Variants in EMG1 observed in about 807,000 individuals in gnomAD.
EMG1 encodes the protein ribosomal RNA small subunit methyltransferase NEP1.
In EMG1, 24 loss-of-function variants were observed where a neutral mutation model predicts 26.9. The ratio of observed to expected loss-of-function variants is 0.89; its 90% CI spans 0.65 to 1.26. The LOEUF (loss-of-function observed/expected upper bound fraction) is 1.26, where lower values mean the gene tolerates loss of function less well. EMG1 is among the 50% of genes most tolerant of loss of function. EMG1 has a pLI of 0.00. For missense variants in EMG1, 299 were observed against 307.6 expected (o/e 0.97, Z 0.21); for synonymous variants, 140 against 112.6 (o/e 1.24, Z -1.54).
At chr12:6,984,003 G>A (rs1417672971), downstream of EMG1, among the ~76,000 whole-genome samples, 1 of 152,102 alleles carries the variant, frequency 6.6e-6, no homozygotes, top group African/African-American at 2.4e-5. Flanking sequence ...ACAAAGATTT[G>A]AGCGTACCCA....
downstream of EMG1, among the ~76,000 whole-genome samples, chr12:6,990,822 C>T (rs149351141): frequency 2.7e-3 from 400 of 147,222 alleles, 1 homozygote; most frequent in African/African-American, 9.9e-3. Flanking sequence ...GAGGCTGAGG[C>T]AGGAGAATCG....
Position 6,979,492 on chromosome 12 carries a change from A to T in EMG1, c.*3683A>T. On this transcript the variant is annotated 3_prime_UTR_variant, in exon 6 of 6. Transcript: ENST00000599672. Reference sequence around the variant, plus strand: ...TCACGTCATAGTCTTCAGTGAGGAGATAGTCTTCTGTGATGTGGGGGCTGA... The same window carrying T: ...TCACGTCATAGTCTTCAGTGAGGAGTTAGTCTTCTGTGATGTGGGGGCTGA... 2 of 1,613,228 alleles carry T rather than the reference A, an allele frequency of 1.2e-6. No homozygotes were observed. Among genetic ancestry groups the T allele is most frequent in the Non-Finnish European group, 1.7e-6 (2 of 1,179,218 alleles).
At chr12:6,974,946 G>A in intron 3 of EMG1, 144 bp from the exon 4 acceptor site, 2 of 919,434 alleles carry the variant, frequency 2.2e-6, no homozygotes, top group Non-Finnish European at 3.5e-6. Flanking sequence ...CTTGGCAACT[G>A]TTTGTTCCTA....
intron 6 of EMG1, among the ~76,000 whole-genome samples, chr12:6,985,612 G>A (rs1946516474): frequency 6.6e-6 from 1 of 151,646 alleles, no homozygotes; most frequent in Non-Finnish European, 1.5e-5. Context: ...CTACTCGGGA[G>A]GCTGAGGCAG....
chr12:6,983,662 TATA>T, downstream of EMG1: 1 of 654,790 alleles, frequency 1.5e-6, no homozygotes, highest in South Asian at 1.8e-5. Context: ...CAACATACAT[TATA>T]TGGATGGCAA....
At chr12:6,983,224 A>C, downstream of EMG1, 1 of 499,668 alleles carries the variant, frequency 2.0e-6, no homozygotes, top group Non-Finnish European at 3.6e-6. Context: ...AAGGGTAACC[A>C]CCCTCAAAAT....
downstream of EMG1, chr12:6,980,951 T>C: frequency 6.6e-7 from 1 of 1,507,822 alleles, no homozygotes; most frequent in Non-Finnish European, 8.9e-7. Context: ...GAAGAGTCAC[T>C]TCAGAGTGAG....
downstream of EMG1, chr12:6,982,717 G>A (rs3208066): frequency 3.1e-6 from 5 of 1,614,002 alleles, no homozygotes; most frequent in Non-Finnish European, 4.2e-6. Context: ...GTGATGGTGC[G>A]GCCCATTAGT....
At chr12:6,982,695 G>A (rs782781622), downstream of EMG1, 1 of 1,613,138 alleles carries the variant, frequency 6.2e-7, no homozygotes, top group Non-Finnish European at 8.5e-7. Context: ...GCAAAAGGTA[G>A]TGAGGACGGC....
At chr12:6,994,655 A>G (rs1591552724) in intron 7 of EMG1, among the ~76,000 whole-genome samples, 1 of 151,818 alleles carries the variant, frequency 6.6e-6, no homozygotes, top group African/African-American at 2.4e-5. Flanking sequence ...GAGTTTCACC[A>G]TGTTGCTCAG....
In EMG1 at chr12:6,977,277, G is replaced by A; in HGVS notation, c.*1468G>A. On this transcript the variant is annotated 3_prime_UTR_variant, in exon 6 of 6. Coordinates refer to ENST00000599672, the MANE Select transcript of EMG1 (RefSeq NM_006331.8). This position sits in a 1 kb window ranked among gnomAD's most constrained non-coding sequence, Gnocchi z 4.5. ...GATTTATACACCTGTGGAGAGAGAGGCCACTAAGGTAGACAGGCCTGGAGT... is the reference window on the plus strand; with the variant it reads ...GATTTATACACCTGTGGAGAGAGAGACCACTAAGGTAGACAGGCCTGGAGT... 1 of 1,610,234 alleles carries A rather than the reference G, an allele frequency of 6.2e-7. No individual in the cohort carries two copies. The highest frequency in any genetic ancestry group is 1.7e-5 in the Admixed American group (1 of 60,000).
Position 6,979,364 on chromosome 12 carries a change from C to G in EMG1, c.*3555C>G. On this transcript the variant is annotated 3_prime_UTR_variant, in exon 6 of 6. Coordinates refer to ENST00000599672, the MANE Select transcript of EMG1 (RefSeq NM_006331.8). ...ACAGATCTAGAGCAAAACCAACATG[C>G]ACTTGTAGATGATATTTCCTACTTC... 1 of 807,538 alleles carries G rather than the reference C, an allele frequency of 1.2e-6. No individual in the cohort carries two copies. The highest frequency in any genetic ancestry group is 2.0e-6 in the Non-Finnish European group (1 of 488,728). The allele number at this position is 807,538 out of a possible 1,614,324, so 50.0% of individuals were successfully genotyped here.
At position 6,974,420 on chromosome 12, in the gene EMG1, C is replaced by T; in HGVS notation, c.250C>T (p.Arg84Trp). 13 of 1,613,590 alleles carry T rather than the reference C, an allele frequency of 8.1e-6. No homozygotes were observed. The highest frequency in any genetic ancestry group is 1.0e-5 in the Non-Finnish European group (12 of 1,179,610). Residue 84 changes from arginine (R) to tryptophan (W), a missense_variant, in exon 2 of 6, where the codon CGG (arginine) becomes TGG (tryptophan). Physicochemically the swap from Arg to Trp is moderately radical, Grantham distance 101. Transcript: ENST00000599672. ...GAATGGACGGGACCCTGGGGAAGCG[C>T]GGCCAGATATCACCCACCAGGTAAC... ...LKNGRDPGEA[R>W]PDITHQSLLM...
downstream of EMG1, chr12:6,983,432 C>T: frequency 6.3e-7 from 1 of 1,592,020 alleles, no homozygotes; most frequent in Non-Finnish European, 8.6e-7. Flanking sequence ...GTTTACTCAC[C>T]AAAGTTAAAA....
downstream of EMG1, chr12:6,981,613 A>G (rs1946471897): frequency 1.2e-6 from 2 of 1,614,108 alleles, no homozygotes; most frequent in Non-Finnish European, 1.7e-6. Context: ...TCCCTCCGTC[A>G]AAGTAGTCAA....
chr12:6,983,514 C>A, downstream of EMG1: 1 of 1,611,218 alleles, frequency 6.2e-7, no homozygotes, highest in Non-Finnish European at 8.5e-7. Context: ...AAAGGTAATG[C>A]CGATAAAACA....
Position 6,978,857 on chromosome 12 carries a change from A to G in EMG1, c.*3048A>G. Reference sequence around the variant, plus strand: ...TTGCCTTCACAATAGGCAGAGAGGAATAAGCAGAGGGCCTGGAGAATATTC... The same window carrying G: ...TTGCCTTCACAATAGGCAGAGAGGAGTAAGCAGAGGGCCTGGAGAATATTC... On this transcript the variant is annotated 3_prime_UTR_variant, in exon 6 of 6. Coordinates refer to ENST00000599672, the MANE Select transcript of EMG1 (RefSeq NM_006331.8). 2 of 883,274 alleles carry G rather than the reference A, an allele frequency of 2.3e-6. No individual in the cohort carries two copies. Among genetic ancestry groups the G allele is most frequent in the Non-Finnish European group, 3.4e-6 (2 of 592,134 alleles). 54.7% of individuals were successfully genotyped at this position (883,274 alleles called of 1,614,324 possible). A position where few individuals can be genotyped will look rare whatever the true frequency, so the allele number is the denominator to read the frequency against.
chr12:6,982,988 G>A, downstream of EMG1: 1 of 638,666 alleles, frequency 1.6e-6, no homozygotes, highest in Non-Finnish European at 2.8e-6. Context: ...TTCTTTTTTT[G>A]TTTGTTTTTT....
intron 7 of EMG1, among the ~76,000 whole-genome samples, chr12:6,988,013 G>A (rs956753538): frequency 3.3e-5 from 5 of 151,810 alleles, no homozygotes; most frequent in South Asian, 2.1e-4. Flanking sequence ...CCTAATTTAC[G>A]GCAGGCCTTA....
Sources: allele counts gnomAD v4.1 joint callset (sites outside exome capture counted in the v4.1 genomes callset), GRCh38; gene constraint gnomAD v4.1.1; non-coding constraint Gnocchi (gnomAD v3.1); transcripts MANE v1.5; gene names NCBI Gene and HGNC (gene_info 2026-07-23, HGNC 2026-07-21).